The following CXCR2 variants were observed in gnomAD, a reference collection of about 807,000 sequenced individuals.
The protein encoded by CXCR2 is C-X-C motif chemokine receptor 2, also known as C-X-C chemokine receptor type 2.
Under a neutral mutation model 3.7 loss-of-function variants are expected in CXCR2, and 2 were observed. The observed-to-expected ratio is 0.55, with a 90% CI of 0.22 to 1.72. The LOEUF is 1.72. Among genes scored for constraint, CXCR2 ranks in the 40% most tolerant of loss-of-function variants. The pLI is 0.19. For synonymous variants in CXCR2, 203 were observed against 193.3 expected, an observed-to-expected ratio of 1.05 and a Z score of -0.41; for missense variants, 351 against 450.1, an observed-to-expected ratio of 0.78 and a Z score of 1.99.
chr2:218,128,631 C>T (rs1259688175), intron 1 of CXCR2, among the ~76,000 whole-genome samples: 4 of 152,208 alleles, frequency 2.6e-5, no homozygotes, highest in African/African-American at 9.6e-5. Context: ...TACCAAAAGG[C>T]TTTCTTTCCA....
rs1008857266 is a variant in CXCR2 at position 218,134,764 on chromosome 2, C to T, written c.-25-13C>T. The T allele has an allele frequency of 6.3e-6, 10 of 1,583,820 alleles. No individual in the cohort carries two copies. Among genetic ancestry groups the T allele is most frequent in the Non-Finnish European group, 8.6e-6 (10 of 1,164,084 alleles). On this transcript the variant is annotated splice_polypyrimidine_tract_variant and intron_variant, in intron 2 of 2. Coordinates refer to ENST00000318507, the MANE Select transcript of CXCR2 (RefSeq NM_001557.4). ...GAATTTATTATGCAGTAACCTTCATCTCTCTTCTATAGGTCAGGATTTAAG... is the reference window on the plus strand; with the variant it reads ...GAATTTATTATGCAGTAACCTTCATTTCTCTTCTATAGGTCAGGATTTAAG...
intron 1 of CXCR2, among the ~76,000 whole-genome samples, chr2:218,127,354 T>C (rs1690536144): frequency 6.6e-6 from 1 of 152,130 alleles, no homozygotes; most frequent in Non-Finnish European, 1.5e-5. Flanking sequence ...CTGTAACTCC[T>C]GGCCTCGAGT....
At chr2:218,127,382 C>A (rs1340732531) in intron 1 of CXCR2, among the ~76,000 whole-genome samples, 1 of 152,214 alleles carries the variant, frequency 6.6e-6, no homozygotes, top group Non-Finnish European at 1.5e-5. Context: ...TCACCTCAGC[C>A]TCCCAAAGTG....
chr2:218,128,353 C>A (rs1690559027), intron 1 of CXCR2, among the ~76,000 whole-genome samples: 1 of 152,170 alleles, frequency 6.6e-6, no homozygotes, highest in Non-Finnish European at 1.5e-5. Flanking sequence ...TTGGGGTAGG[C>A]AGGCAATTTA....
chr2:218,131,508 C>T (rs1201702902), intron 2 of CXCR2, among the ~76,000 whole-genome samples: 4 of 138,262 alleles, frequency 2.9e-5, no homozygotes, highest in East Asian at 2.0e-4. Flanking sequence ...TCTCCTCTGT[C>T]GCCCAGGCTG....
chr2:218,125,423 A>G (rs1429233930), upstream of CXCR2: 1 of 152,120 alleles, frequency 6.6e-6, no homozygotes, highest in Non-Finnish European at 1.5e-5. Flanking sequence ...AGTTCTGTGG[A>G]TTCTTTCAGC....
chr2:218,129,058 G>A (rs1263705950), intron 1 of CXCR2, among the ~76,000 whole-genome samples: 2 of 152,210 alleles, frequency 1.3e-5, no homozygotes, highest in East Asian at 3.8e-4. Context: ...TCCTGGGCAA[G>A]CCATTTCCTT....
At chr2:218,131,082 G>C (rs911283635) in intron 2 of CXCR2, 1 of 152,284 alleles carries the variant, frequency 6.6e-6, no homozygotes, top group African/African-American at 2.4e-5. Context: ...CTCAGTCCTG[G>C]CTTCTCACAG....
chr2:218,134,871 A>G lies in CXCR2; in HGVS notation c.70A>G (p.Ser24Gly). The G allele has an allele frequency of 6.2e-7, 1 of 1,614,194 alleles. No individual in the cohort carries two copies. The highest frequency in any genetic ancestry group is 1.3e-5 in the African/African-American group (1 of 75,046). The change falls in exon 3 of 3, where the codon AGT becomes GGT. Residue 24 changes from serine (S) to glycine (G), a missense_variant. Transcript: ENST00000318507. ...GAAAGGTGAAGATCTTAGTAATTAC[A>G]GTTACAGCTCTACCCTGCCCCCTTT... ...FWKGEDLSNY[S>G]YSSTLPPFLL...
chr2:218,130,018 C>T (rs577664599), intron 2 of CXCR2, among the ~76,000 whole-genome samples: 1 of 152,160 alleles, frequency 6.6e-6, no homozygotes, highest in Non-Finnish European at 1.5e-5. Flanking sequence ...ATCATCCCTG[C>T]AAGAGCTGTT....
At chr2:218,133,106 C>T (rs1198086310) in intron 2 of CXCR2, among the ~76,000 whole-genome samples, 2 of 152,050 alleles carry the variant, frequency 1.3e-5, no homozygotes, top group Admixed American at 1.3e-4. Flanking sequence ...GGACCTTTAA[C>T]TTCCTGGTTT....
intron 2 of CXCR2, among the ~76,000 whole-genome samples, chr2:218,132,426 A>G (rs770011837): frequency 1.3e-5 from 2 of 152,240 alleles, no homozygotes; most frequent in African/African-American, 4.8e-5. Flanking sequence ...ATTGTGTATC[A>G]GTACCTCATT....
chr2:218,126,557 A>G (rs1484595437), intron 1 of CXCR2, among the ~76,000 whole-genome samples: 4 of 152,252 alleles, frequency 2.6e-5, no homozygotes, highest in Non-Finnish European at 5.9e-5. Flanking sequence ...TGCCCTGCCC[A>G]GTATGGTAGC....
intron 2 of CXCR2, among the ~76,000 whole-genome samples, chr2:218,132,939 T>C (rs1308248577): frequency 1.3e-5 from 2 of 152,232 alleles, no homozygotes; most frequent in Non-Finnish European, 1.5e-5. Context: ...TTTAACTTTT[T>C]TGAGCAACTG....
intron 2 of CXCR2, among the ~76,000 whole-genome samples, chr2:218,131,891 T>C (rs1047789668): frequency 3.3e-5 from 5 of 151,950 alleles, no homozygotes; most frequent in African/African-American, 1.2e-4. Flanking sequence ...TAAAAACTTG[T>C]CAGGAAGGTG....
At chr2:218,130,748 C>T (rs146512677) in intron 2 of CXCR2, 2 of 152,366 alleles carry the variant, frequency 1.3e-5, no homozygotes, top group East Asian at 1.9e-4. Flanking sequence ...TAGTTTGTCC[C>T]TCTAACTGCC....
chr2:218,125,764 A>T (rs1234180835), upstream of CXCR2: 1 of 152,478 alleles, frequency 6.6e-6, no homozygotes, highest in Admixed American at 6.6e-5. Context: ...GGACAGAGGG[A>T]GCATGATAAA....
intron 2 of CXCR2, among the ~76,000 whole-genome samples, chr2:218,131,781 A>G (rs1267429376): frequency 6.6e-6 from 1 of 151,134 alleles, no homozygotes; most frequent in Non-Finnish European, 1.5e-5. Context: ...TATTGTTGTG[A>G]TCTAGTATAG....
intron 1 of CXCR2, among the ~76,000 whole-genome samples, chr2:218,126,850 T>A (rs1690522900): frequency 1.3e-5 from 2 of 152,140 alleles, no homozygotes; most frequent in South Asian, 4.1e-4. Flanking sequence ...GTTTTGTTTT[T>A]GTTTTTGTAA....
Sources: allele counts gnomAD v4.1 joint callset (sites outside exome capture counted in the v4.1 genomes callset), GRCh38; gene constraint gnomAD v4.1.1; transcripts MANE v1.5; gene names NCBI Gene and HGNC (gene_info 2026-07-23, HGNC 2026-07-21).